CWC27: variants seen among roughly 807,000 people sequenced by gnomAD.
CWC27 encodes the protein spliceosome-associated protein CWC27 homolog.
A neutral mutation model predicts 63.6 loss-of-function variants in CWC27; 47 were observed. That is an observed-to-expected ratio of 0.74 (90% confidence interval 0.58 to 0.94). CWC27 has a LOEUF of 0.94. Among genes scored for constraint, CWC27 ranks in the 40% least tolerant of loss-of-function variants. The pLI, the probability that CWC27 is intolerant of heterozygous loss-of-function variation, is 0.00. For synonymous variants in CWC27, 175 were observed against 179.8 expected, an observed-to-expected ratio of 0.97 and a Z score of 0.22; for missense variants, 495 against 554.3, an observed-to-expected ratio of 0.89 and a Z score of 1.07.
chr5:64,919,893 T>C (rs1747963679), intron 11 of CWC27, among the ~76,000 whole-genome samples: 1 of 152,212 alleles, frequency 6.6e-6, no homozygotes, highest in Admixed American at 6.5e-5. Context: ...GTCTTTTTGG[T>C]AGACACATTG....
chr5:65,017,780 G>T (rs1750075768), intron 13 of CWC27, among the ~76,000 whole-genome samples: 1 of 152,032 alleles, frequency 6.6e-6, no homozygotes, highest in African/African-American at 2.4e-5. Flanking sequence ...CTTGAGTTTT[G>T]CTCTGCAACC....
intron 10 of CWC27, among the ~76,000 whole-genome samples, chr5:64,884,558 A>AAC (rs1435966275): frequency 1.3e-5 from 2 of 152,224 alleles, no homozygotes; most frequent in African/African-American, 2.4e-5. Context: ...TATCTTTGAT[A>AAC]AACATTTTCA....
At chr5:64,965,061 C>G (rs1476236219) in intron 11 of CWC27, among the ~76,000 whole-genome samples, 1 of 152,086 alleles carries the variant, frequency 6.6e-6, no homozygotes, top group Admixed American at 6.6e-5. Context: ...TGCACTCCAG[C>G]CTGGGCAACA....
chr5:64,912,683 A>C (rs1747816063), intron 11 of CWC27, among the ~76,000 whole-genome samples: 1 of 152,168 alleles, frequency 6.6e-6, no homozygotes, highest in Non-Finnish European at 1.5e-5. Flanking sequence ...CATGAGTTTT[A>C]AAAAGGATTT....
At chr5:64,845,846 T>C (rs1021383990) in intron 10 of CWC27, among the ~76,000 whole-genome samples, 7 of 152,210 alleles carry the variant, frequency 4.6e-5, no homozygotes, top group Non-Finnish European at 7.3e-5. Flanking sequence ...AATCCCCTAA[T>C]CTGGGAATAG....
Position 64,930,423 on chromosome 5 carries a change from T to C in CWC27, c.1043-41280T>C, listed in dbSNP as rs575412642. Among the ~76,000 whole-genome samples, 47 of 152,014 alleles carry C rather than the reference T, an allele frequency of 3.1e-4. 1 individual carries two copies. In the South Asian group the frequency reaches 6.4e-3, roughly 21 times the overall value. ...TGATAAAAAGTGCAAAAAACAATCA[T>C]TGAAACCAATAAAAAAAATTTGAAC... On this transcript the variant is annotated intron_variant, in intron 11 of 13. Transcript: ENST00000381070.
chr5:64,795,540 C>G (rs977807027), intron 7 of CWC27, among the ~76,000 whole-genome samples: 1 of 152,044 alleles, frequency 6.6e-6, no homozygotes, highest in Non-Finnish European at 1.5e-5. Flanking sequence ...CCTTTTTCAA[C>G]CTCTAGAGAC....
At chr5:64,981,897 G>A (rs930558269) in intron 13 of CWC27, among the ~76,000 whole-genome samples, 5 of 152,210 alleles carry the variant, frequency 3.3e-5, no homozygotes, top group East Asian at 1.9e-4. Context: ...CTCCTTCTAC[G>A]ATAACCCTAT....
chr5:64,957,302 A>G (rs927041526), intron 11 of CWC27, among the ~76,000 whole-genome samples: 2 of 151,998 alleles, frequency 1.3e-5, no homozygotes, highest in African/African-American at 4.8e-5. Context: ...TCTTACTGCT[A>G]CAACACGGGG....
At chr5:64,924,808 A>G (rs773782700) in intron 11 of CWC27, among the ~76,000 whole-genome samples, 1 of 152,348 alleles carries the variant, frequency 6.6e-6, no homozygotes, top group East Asian at 1.9e-4. Flanking sequence ...AGAAGTGAGT[A>G]TGGACAAGCT....
chr5:64,990,255 T>G lies in CWC27; in HGVS notation c.1256+13017T>G, dbSNP rs561431050. ...GTTTTTATTTGTTTTTTTTTTGTTT[T>G]TTTTTTTTTTGTTTTTTTTTTTTTT... On this transcript the variant is annotated intron_variant, in intron 13 of 13. Coordinates refer to ENST00000381070, the MANE Select transcript of CWC27 (RefSeq NM_005869.4). Among the ~76,000 whole-genome samples the G allele has an allele frequency of 1.5e-4, 14 of 91,720 alleles. 4 individuals carry two copies. The highest frequency in any genetic ancestry group is 3.6e-4 in the Admixed American group (3 of 8,240). 60.2% of individuals were successfully genotyped at this position (91,720 alleles called of 152,430 possible). A position where few individuals can be genotyped will look rare whatever the true frequency, so the allele number is the denominator to read the frequency against.
At position 64,817,149 on chromosome 5, in the gene CWC27, A is replaced by C. The variant is rs78642165; in HGVS notation, c.938+12763A>C. 1.1e-4 allele frequency among the ~76,000 whole-genome samples: 16 copies of C among 152,210 alleles called. No homozygotes were observed. The East Asian group carries it at 2.9e-3, about 28-fold the overall frequency. On this transcript the variant is annotated intron_variant, in intron 10 of 13. Coordinates refer to ENST00000381070, the MANE Select transcript of CWC27 (RefSeq NM_005869.4). Reference sequence around the variant, plus strand: ...ACTTTGCACCAAGCATATTCTTCTCATACCAAGGTCACTCCTCTTTCAGGC... The same window carrying C: ...ACTTTGCACCAAGCATATTCTTCTCCTACCAAGGTCACTCCTCTTTCAGGC...
chr5:64,904,936 C>T (rs1458057377), intron 11 of CWC27, among the ~76,000 whole-genome samples: 2 of 152,174 alleles, frequency 1.3e-5, no homozygotes, highest in Non-Finnish European at 1.5e-5. Context: ...CACAGTGGCT[C>T]ATGCCTGTAA....
intron 11 of CWC27, among the ~76,000 whole-genome samples, chr5:64,956,376 A>G (rs1273821090): frequency 6.6e-6 from 1 of 152,110 alleles, no homozygotes; most frequent in African/African-American, 2.4e-5. Flanking sequence ...CATCTTATTT[A>G]TACATTCTTC....
intron 11 of CWC27, among the ~76,000 whole-genome samples, chr5:64,949,631 C>T (rs1302250800): frequency 6.6e-6 from 1 of 151,972 alleles, no homozygotes; most frequent in Non-Finnish European, 1.5e-5. Flanking sequence ...CCTATATGGG[C>T]TATAATTTGC....
chr5:64,866,625 G>A (rs537487302), intron 10 of CWC27, among the ~76,000 whole-genome samples: 2 of 152,110 alleles, frequency 1.3e-5, no homozygotes, highest in Non-Finnish European at 2.9e-5. Context: ...TCAACTCAGA[G>A]TACCTTGATT....
intron 3 of CWC27, among the ~76,000 whole-genome samples, chr5:64,782,403 G>A (rs1292304910): frequency 2.6e-5 from 4 of 151,896 alleles, no homozygotes; most frequent in East Asian, 1.9e-4. Context: ...AGCGGAGATC[G>A]CACCAATGCA....
chr5:64,917,522 T>G (rs1462111170), intron 11 of CWC27, among the ~76,000 whole-genome samples: 2 of 152,222 alleles, frequency 1.3e-5, no homozygotes, highest in African/African-American at 4.8e-5. Flanking sequence ...AAGACATTAT[T>G]CTCTGTGTGT....
chr5:64,917,778 T>C (rs183767689), intron 11 of CWC27, among the ~76,000 whole-genome samples: 194 of 152,296 alleles, frequency 1.3e-3, no homozygotes, highest in African/African-American at 4.3e-3. Context: ...CTGCTGGCTT[T>C]CAGACTGGAA....
Sources: gnomAD v4.1 joint callset for allele counts (sites outside exome capture counted in the v4.1 genomes callset) on GRCh38, gnomAD v4.1.1 for gene constraint, MANE v1.5 for transcripts, NCBI Gene and HGNC (gene_info 2026-07-23, HGNC 2026-07-21) for gene names.